The following MACROD2 variants were observed in gnomAD, a reference collection of about 807,000 sequenced individuals.
MACROD2 encodes the protein mono-ADP ribosylhydrolase 2.
A neutral mutation model predicts 70.4 loss-of-function variants in MACROD2; 36 were observed. The observed-to-expected ratio is 0.51, with a 90% CI of 0.39 to 0.68. The LOEUF (loss-of-function observed/expected upper bound fraction) is 0.68. Ranked by LOEUF, MACROD2 falls within the 30% of genes least tolerant of loss-of-function variation. The pLI is 0.00. For missense variants in MACROD2, 496 were observed against 538.4 expected, an observed-to-expected ratio of 0.92 and a Z score of 0.78; for synonymous variants, 172 against 178.8, an observed-to-expected ratio of 0.96 and a Z score of 0.30.
At chr20:13,997,411 A>G (rs2052678180) in intron 1 of MACROD2, among the ~76,000 whole-genome samples, 1 of 152,200 alleles carries the variant, frequency 6.6e-6, no homozygotes, top group Non-Finnish European at 1.5e-5. Flanking sequence ...TTCGCTTTGT[A>G]TAATTGATGA....
chr20:14,717,274 C>G (rs1484698369), intron 5 of MACROD2, among the ~76,000 whole-genome samples: 1 of 152,012 alleles, frequency 6.6e-6, no homozygotes, highest in African/African-American at 2.4e-5. Flanking sequence ...AGTTCGTTTC[C>G]TGGTGCAGTC....
At chr20:14,483,119 G>C (rs1346776203) in intron 3 of MACROD2, among the ~76,000 whole-genome samples, 1 of 152,144 alleles carries the variant, frequency 6.6e-6, no homozygotes, top group South Asian at 2.1e-4. Context: ...GTAAATTTGA[G>C]TAATTATCTG....
Position 15,348,287 on chromosome 20 carries a change from A to G in MACROD2, c.541-83118A>G, listed in dbSNP as rs138273875. Among the ~76,000 whole-genome samples, 571 of 152,288 alleles carry G rather than the reference A, an allele frequency of 3.7e-3. 3 individuals carry two copies. The highest frequency in any genetic ancestry group is 5.4e-3 in the Non-Finnish European group (366 of 68,014). ...CTGAGTCCCTGGGAAGAACCATCCA[A>G]CCAGGAGCGCTGCCCCCTGCCTTGA... On this transcript the variant is annotated intron_variant, in intron 6 of 17. Coordinates refer to ENST00000684519, the MANE Select transcript of MACROD2 (RefSeq NM_001351661.2).
chr20:15,037,477 T>C (rs1404885343), intron 5 of MACROD2, among the ~76,000 whole-genome samples: 1 of 152,242 alleles, frequency 6.6e-6, no homozygotes, highest in Non-Finnish European at 1.5e-5. Flanking sequence ...TGGCCTCGCC[T>C]GAATGTTTGT....
chr20:15,679,143 A>G (rs1188578832), intron 8 of MACROD2, among the ~76,000 whole-genome samples: 2 of 151,436 alleles, frequency 1.3e-5, no homozygotes, highest in African/African-American at 4.9e-5. Context: ...AGGCTAAGGC[A>G]GGAGAATCGC....
intron 9 of MACROD2, among the ~76,000 whole-genome samples, chr20:15,865,975 G>A (rs1015512913): frequency 6.6e-6 from 1 of 152,198 alleles, no homozygotes; most frequent in African/African-American, 2.4e-5. Flanking sequence ...ATGATCAGCA[G>A]TTGTGGAGTA....
chr20:14,204,827 C>G (rs1420335850), intron 3 of MACROD2, among the ~76,000 whole-genome samples: 2 of 152,046 alleles, frequency 1.3e-5, no homozygotes, highest in Non-Finnish European at 2.9e-5. Flanking sequence ...AGGCAAGTGC[C>G]TGGAACTTCT....
chr20:14,667,282 T>C (rs561187502), intron 4 of MACROD2, among the ~76,000 whole-genome samples: 1 of 152,210 alleles, frequency 6.6e-6, no homozygotes, highest in East Asian at 1.9e-4. Flanking sequence ...CCTGTATAAA[T>C]CTTGATGTCT....
Position 14,711,722 on chromosome 20 carries a change from A to G in MACROD2, c.418+26763A>G, listed in dbSNP as rs11904858. Among the ~76,000 whole-genome samples, 981 of 152,190 alleles carry G rather than the reference A, an allele frequency of 6.4e-3. 12 individuals are homozygous for G. The highest frequency in any genetic ancestry group is 0.023 in the African/African-American group (947 of 41,534). ...AGAACTCTTCCAAATCCCCCGCCCC[A>G]GCCCCAGTATTTCCAATTGACTTAT... On this transcript the variant is annotated intron_variant, in intron 5 of 17. Coordinates refer to ENST00000684519, the MANE Select transcript of MACROD2 (RefSeq NM_001351661.2).
intron 8 of MACROD2, among the ~76,000 whole-genome samples, chr20:15,859,541 G>A (rs1258666531): frequency 1.3e-5 from 2 of 152,128 alleles, no homozygotes; most frequent in African/African-American, 4.8e-5. Flanking sequence ...AACTATATGA[G>A]CTCTTGTTCA....
chr20:14,056,915 C>A (rs116955315), intron 2 of MACROD2, among the ~76,000 whole-genome samples: 1 of 150,820 alleles, frequency 6.6e-6, no homozygotes, highest in African/African-American at 2.4e-5. Context: ...TGTCATTTTT[C>A]TCATTGTTTT....
At chr20:14,615,922 A>G (rs773206735) in intron 4 of MACROD2, among the ~76,000 whole-genome samples, 61 of 152,222 alleles carry the variant, frequency 4.0e-4, no homozygotes, top group Non-Finnish European at 8.1e-4. Flanking sequence ...AAATGTTTCT[A>G]TGTATGTAAG....
chr20:15,640,299 G>A (rs1297745022), intron 8 of MACROD2, among the ~76,000 whole-genome samples: 1 of 151,986 alleles, frequency 6.6e-6, no homozygotes, highest in Non-Finnish European at 1.5e-5. Flanking sequence ...AAAGGAGAGA[G>A]GATAGAGAGA....
chr20:14,928,593 G>A (rs983383054), intron 5 of MACROD2, among the ~76,000 whole-genome samples: 22 of 152,272 alleles, frequency 1.4e-4, no homozygotes, highest in African/African-American at 4.8e-4. Context: ...CAAGTCCACT[G>A]CCTGCTGGAC....
intron 5 of MACROD2, among the ~76,000 whole-genome samples, chr20:14,847,603 G>A (rs868784045): frequency 1.7e-4 from 26 of 149,848 alleles, no homozygotes; most frequent in Non-Finnish European, 1.5e-4. Context: ...TCAAAAAGTA[G>A]AATGATTAGC....
At chr20:15,131,015 A>G (rs1225251225) in intron 5 of MACROD2, among the ~76,000 whole-genome samples, 1 of 152,056 alleles carries the variant, frequency 6.6e-6, no homozygotes, top group Non-Finnish European at 1.5e-5. Context: ...GCCAAAGCCC[A>G]AACACTCCCC....
chr20:14,264,082 AC>A (rs1358670048), intron 3 of MACROD2, among the ~76,000 whole-genome samples: 1 of 151,974 alleles, frequency 6.6e-6, no homozygotes, highest in African/African-American at 2.4e-5. Context: ...TGGTAAAGCT[AC>A]TATGAAGAAT....
chr20:14,836,993 G>A lies in MACROD2; in HGVS notation c.418+152034G>A, dbSNP rs16995066. 9.4e-3 allele frequency among the ~76,000 whole-genome samples: 1,426 copies of A among 152,090 alleles called. 56 individuals carry two copies. In the East Asian group the frequency reaches 0.11, roughly 12 times the overall value. ...TCATAAAAGTTTTTCAAAATGATAA[G>A]AGGAAATAAAACTCTTGTAATTAAC... is the stretch of plus-strand genomic sequence containing the variant. On this transcript the variant is annotated intron_variant, in intron 5 of 17. Coordinates refer to ENST00000684519, the MANE Select transcript of MACROD2 (RefSeq NM_001351661.2).
chr20:14,535,819 A>G (rs1265394151), intron 4 of MACROD2, among the ~76,000 whole-genome samples: 3 of 152,200 alleles, frequency 2.0e-5, no homozygotes, highest in South Asian at 4.1e-4. Flanking sequence ...TGATCATATT[A>G]TATCCTAAGA....
Sources: allele counts gnomAD v4.1 joint callset (sites outside exome capture counted in the v4.1 genomes callset), GRCh38; gene constraint gnomAD v4.1.1; transcripts MANE v1.5; gene names NCBI Gene and HGNC (gene_info 2026-07-23, HGNC 2026-07-21).